Variants in USP28 observed in about 807,000 individuals in gnomAD.
USP28 encodes the protein ubiquitin specific peptidase 28, also known as ubiquitin carboxyl-terminal hydrolase 28.
A neutral mutation model predicts 145.0 loss-of-function variants in USP28; 113 were observed. The observed-to-expected ratio is 0.78, with a 90% CI of 0.67 to 0.91. USP28 has a LOEUF of 0.91. Among genes scored for constraint, USP28 ranks in the 40% least tolerant of loss-of-function variants. The probability of loss-of-function intolerance (pLI) is 0.00; values close to 1 mark genes in which losing one functional copy is unlikely to be tolerated. For synonymous variants in USP28, 447 were observed against 450.9 expected (o/e 0.99, Z 0.11); for missense variants, 1,201 against 1,289.6 (o/e 0.93, Z 1.05).
At position 113,830,854 on chromosome 11, in the gene USP28, G is replaced by T; in HGVS notation, c.910+13C>A. 1 of 1,610,470 alleles carries T rather than the reference G, an allele frequency of 6.2e-7. No homozygotes were observed. The highest frequency in any genetic ancestry group is 8.5e-7 in the Non-Finnish European group (1 of 1,178,468). ...CAAAGGTCTAGAATTAAAATTCAGA[G>T]CAGAGAATTTACCTTCACGAACCCC... On this transcript the variant is annotated intron_variant, in intron 9 of 24. Coordinates refer to ENST00000003302, the Ensembl canonical transcript of USP28.
intron 13 of USP28, among the ~76,000 whole-genome samples, chr11:113,817,410 G>A (rs1171619577): frequency 6.6e-6 from 1 of 152,202 alleles, no homozygotes; most frequent in Non-Finnish European, 1.5e-5. Context: ...ACTGGGTGGA[G>A]CCTGAACACT....
In USP28 at chr11:113,809,095, T is replaced by C. The variant is rs376630482; in HGVS notation, c.2132A>G (p.Asn711Ser). ...TGTAGAGTAGTCCTGTGATGAGGAG[T>C]TGGTGGAGGACTCCATTTGAGGGAT... The change falls in exon 17 of 25, where the codon AAC becomes AGC. Residue 711 changes from asparagine (N) to serine (S), a missense_variant. Transcript: ENST00000003302. 8 of 1,613,962 alleles carry C rather than the reference T, an allele frequency of 5.0e-6. No individual in the cohort carries two copies. In the African/African-American group the frequency reaches 8.0e-5, roughly 16 times the overall value.
At chr11:113,826,294 A>AGAAAG (rs1555065545) in intron 11 of USP28, among the ~76,000 whole-genome samples, 1 of 143,776 alleles carries the variant, frequency 7.0e-6, no homozygotes, top group Non-Finnish European at 1.5e-5. Flanking sequence ...AAAAAAAAAA[A>AGAAAG]AAAGAAAGAA....
intron 3 of USP28, among the ~76,000 whole-genome samples, chr11:113,846,780 C>G (rs961387304): frequency 6.6e-6 from 1 of 152,186 alleles, no homozygotes; most frequent in African/African-American, 2.4e-5. Context: ...CACCTGAGGT[C>G]AGGAGTTTGA....
intron 11 of USP28, 78 bp from the exon 12 acceptor site, chr11:113,823,778 A>T (rs906337034): frequency 4.9e-6 from 6 of 1,234,502 alleles, no homozygotes; most frequent in Non-Finnish European, 6.7e-6. Flanking sequence ...TAAAGATTCA[A>T]GGAAACTTCT....
At chr11:113,872,364 G>A (rs1471042766) in intron 1 of USP28, among the ~76,000 whole-genome samples, 3 of 152,100 alleles carry the variant, frequency 2.0e-5, no homozygotes, top group Non-Finnish European at 4.4e-5. Context: ...GTGGGCACCT[G>A]TAGTCCCAGC....
At chr11:113,810,680 T>C (rs979438179) in intron 16 of USP28, among the ~76,000 whole-genome samples, 6 of 152,092 alleles carry the variant, frequency 3.9e-5, no homozygotes, top group African/African-American at 1.2e-4. Flanking sequence ...ACACCTTACA[T>C]GTTTGTTTTT....
intron 23 of USP28, 21 bp from the exon 25 acceptor site, chr11:113,801,699 T>TA: frequency 6.5e-7 from 1 of 1,542,184 alleles, no homozygotes. Flanking sequence ...AAGGTAGAAT[T>TA]AGGTGGGGAA....
chr11:113,806,496 A>G, exon 19 of USP28: 1 of 1,612,178 alleles, frequency 6.2e-7, no homozygotes, highest in Non-Finnish European at 8.5e-7. Flanking sequence ...TACCTTAATC[A>G]GCCCTGCTTC....
chr11:113,867,098 A>C (rs1425874087), intron 1 of USP28, among the ~76,000 whole-genome samples: 1 of 152,230 alleles, frequency 6.6e-6, no homozygotes, highest in Non-Finnish European at 1.5e-5. Flanking sequence ...AAATCTAGAG[A>C]CAGAAAGTAG....
chr11:113,848,865 CTG>C (rs1296422346), intron 3 of USP28, among the ~76,000 whole-genome samples: 2 of 152,170 alleles, frequency 1.3e-5, no homozygotes, highest in African/African-American at 4.8e-5. Flanking sequence ...TAGGGACAAA[CTG>C]ATTGCGGAGC....
chr11:113,806,670 G>C (rs1940029520), intron 18 of USP28, 86 bp from the exon 20 acceptor site: 1 of 945,040 alleles, frequency 1.1e-6, no homozygotes, highest in African/African-American at 1.7e-5. Context: ...TGAACAGAGT[G>C]CTAAAGGGCA....
intron 1 of USP28, among the ~76,000 whole-genome samples, chr11:113,871,325 G>A (rs1394169062): frequency 1.3e-5 from 2 of 152,206 alleles, no homozygotes; most frequent in Non-Finnish European, 1.5e-5. Flanking sequence ...CAGTGAAGGT[G>A]TCTGGGGGTT....
intron 3 of USP28, among the ~76,000 whole-genome samples, chr11:113,842,502 G>A (rs538098927): frequency 7.9e-4 from 120 of 151,498 alleles, no homozygotes; most frequent in African/African-American, 2.6e-3. Context: ...GGAGAATGGC[G>A]TAAACCCGGG....
intron 1 of USP28, among the ~76,000 whole-genome samples, chr11:113,861,765 T>C (rs1269841990): frequency 1.3e-5 from 2 of 152,228 alleles, no homozygotes; most frequent in East Asian, 3.8e-4. Context: ...TATACCTTGC[T>C]TTTTCCTTAT....
intron 9 of USP28, chr11:113,829,551 G>A (rs1168907897): frequency 3.5e-6 from 2 of 576,108 alleles, no homozygotes; most frequent in Admixed American, 3.6e-5. Context: ...AAAGACCAGG[G>A]GCTTCGTGGC....
intron 23 of USP28, among the ~76,000 whole-genome samples, chr11:113,802,018 C>G (rs2135105450): frequency 6.6e-6 from 1 of 152,316 alleles, no homozygotes; most frequent in South Asian, 2.1e-4. Context: ...ATCAGAATCA[C>G]CTGCAGAAGA....
In USP28 at chr11:113,874,703, C is replaced by G. The variant is rs1313632811; in HGVS notation, c.57+742G>C. The G allele has an allele frequency of 6.6e-6, 8 of 1,207,708 alleles. No individual in the cohort carries two copies. The East Asian group carries it at 4.6e-4, about 70-fold the overall frequency. The allele number at this position is 1,207,708 out of a possible 1,614,324, so 74.8% of individuals were successfully genotyped here. A position where few individuals can be genotyped will look rare whatever the true frequency, so the allele number is the denominator to read the frequency against. ...GAAGACATGCTCAAATTGCCCTCTT[C>G]CCAAGTTTCTTCATACAGACATTAG... On this transcript the variant is annotated intron_variant, in intron 1 of 24. Coordinates refer to ENST00000003302, the Ensembl canonical transcript of USP28.
Position 113,840,838 on chromosome 11 carries a change from C to T in USP28, c.375-81G>A, listed in dbSNP as rs1427704469. ...GCATATGGAGGATGCTATAACTTTTCGTGGATAATTCAAAACACCAGAAAA... is the reference window on the plus strand; with the variant it reads ...GCATATGGAGGATGCTATAACTTTTTGTGGATAATTCAAAACACCAGAAAA... On this transcript the variant is annotated intron_variant, in intron 4 of 24. Coordinates refer to ENST00000003302, the Ensembl canonical transcript of USP28. 57 of 1,468,156 alleles carry T rather than the reference C, an allele frequency of 3.9e-5. No individual in the cohort carries two copies. In the East Asian group the frequency reaches 6.3e-4, roughly 16 times the overall value. 90.9% of individuals were successfully genotyped at this position (1,468,156 alleles called of 1,614,324 possible). A position where few individuals can be genotyped will look rare whatever the true frequency, so the allele number is the denominator to read the frequency against.
Sources: gnomAD v4.1 joint callset for allele counts (sites outside exome capture counted in the v4.1 genomes callset) on GRCh38, gnomAD v4.1.1 for gene constraint, MANE v1.5 for transcripts, NCBI Gene and HGNC (gene_info 2026-07-23, HGNC 2026-07-21) for gene names.